Variants in TMEM87B observed in about 807,000 individuals in gnomAD.
TMEM87B encodes the protein transmembrane protein 87B.
TMEM87B carries 83 observed loss-of-function variants against 80.3 expected under a neutral mutation model. The observed-to-expected ratio is 1.03, with a 90% CI of 0.87 to 1.24. The LOEUF (loss-of-function observed/expected upper bound fraction) is 1.24, where lower values mean the gene tolerates loss of function less well. Among genes scored for constraint, TMEM87B ranks in the 50% most tolerant of loss-of-function variants. The pLI is 0.00. For missense variants in TMEM87B, 625 were observed against 674.4 expected, an observed-to-expected ratio of 0.93 and a Z score of 0.81; for synonymous variants, 219 against 230.5, an observed-to-expected ratio of 0.95 and a Z score of 0.45.
At chr2:112,095,202 TTTTTTTTTTTG>T (rs778579572) in intron 11 of TMEM87B, 1 of 733,754 alleles carries the variant, frequency 1.4e-6, no homozygotes, top group Non-Finnish European at 1.6e-6. Flanking sequence ...TTTTTTTTTT[TTTTTTTTTTTG>T]CTGTTTTGCT....
intron 11 of TMEM87B, chr2:112,095,508 AT>A (rs551556805): frequency 8.5e-4 from 783 of 918,590 alleles, no homozygotes; most frequent in Non-Finnish European, 9.5e-4. Flanking sequence ...ACCAGACCAG[AT>A]TTTTTTTTAA....
chr2:112,075,026 G>T, intron 5 of TMEM87B, 64 bp downstream of exon 5: 1 of 1,534,702 alleles, frequency 6.5e-7, no homozygotes. Flanking sequence ...GAAAAAAGTC[G>T]CTGATGGATA....
Position 112,055,519 on chromosome 2 carries a change from G to T in TMEM87B, c.-73G>T. The T allele has an allele frequency of 7.2e-7, 1 of 1,394,444 alleles. No individual in the cohort carries two copies. The highest frequency in any genetic ancestry group is 9.3e-7 in the Non-Finnish European group (1 of 1,075,800). 86.4% of individuals were successfully genotyped at this position (1,394,444 alleles called of 1,614,324 possible). A position where few individuals can be genotyped will look rare whatever the true frequency, so the allele number is the denominator to read the frequency against. On this transcript the variant is annotated 5_prime_UTR_variant, in exon 1 of 19. Coordinates refer to ENST00000283206, the MANE Select transcript of TMEM87B (RefSeq NM_032824.3). ...CCGCGTCCCGGATTCGGACCCGCCT[G>T]CCTGGGGCGGTGCTGCACCAGGTGC... is the stretch of plus-strand genomic sequence containing the variant.
intron 15 of TMEM87B, among the ~76,000 whole-genome samples, chr2:112,102,824 A>G (rs1679666452): frequency 6.6e-6 from 1 of 152,228 alleles, no homozygotes; most frequent in Non-Finnish European, 1.5e-5. Flanking sequence ...TGGTATGAAA[A>G]CACTCCACAG....
intron 4 of TMEM87B, among the ~76,000 whole-genome samples, chr2:112,070,831 C>CT (rs1384930559): frequency 4.5e-5 from 6 of 133,384 alleles, no homozygotes; most frequent in East Asian, 2.2e-4. Flanking sequence ...TTTTTTTTTT[C>CT]TTTTTTTTGA....
chr2:112,095,261 C>T (rs1679434000), intron 11 of TMEM87B: 3 of 963,776 alleles, frequency 3.1e-6, no homozygotes, highest in Non-Finnish European at 3.6e-6. Context: ...TCTGGCCAGC[C>T]TCCCCCTCTC....
intron 3 of TMEM87B, 113 bp downstream of exon 3, chr2:112,064,366 G>T (rs1457530025): frequency 2.3e-6 from 2 of 882,138 alleles, no homozygotes; most frequent in East Asian, 5.0e-5. Flanking sequence ...TTTTAGAAGT[G>T]CTACAGATTA....
chr2:112,098,751 T>C lies in TMEM87B; in HGVS notation c.1376+53T>C. On this transcript the variant is annotated intron_variant, in intron 14 of 18. Transcript: ENST00000283206. ...TCAAGGATTTGTTGATCACCTTCTA[T>C]AGTGTCAAGAACACGTTTATAGAAA... 5 of 1,532,552 alleles carry C rather than the reference T, an allele frequency of 3.3e-6. No homozygotes were observed. The South Asian group carries it at 5.6e-5, about 17-fold the overall frequency. 94.9% of individuals were successfully genotyped at this position (1,532,552 alleles called of 1,614,324 possible).
At chr2:112,093,062 C>T (rs1392080515) in intron 11 of TMEM87B, among the ~76,000 whole-genome samples, 1 of 151,798 alleles carries the variant, frequency 6.6e-6, no homozygotes, top group African/African-American at 2.4e-5. Flanking sequence ...GTATCTTTTT[C>T]CATTTTCTCA....
intron 11 of TMEM87B, among the ~76,000 whole-genome samples, chr2:112,096,457 G>A (rs1050050139): frequency 7.9e-5 from 12 of 152,098 alleles, no homozygotes; most frequent in South Asian, 2.1e-4. Flanking sequence ...TCTTATAGTC[G>A]TAGTATTCTT....
intron 4 of TMEM87B, 88 bp downstream of exon 4, chr2:112,067,155 T>A: frequency 6.6e-7 from 1 of 1,520,522 alleles, no homozygotes; most frequent in Non-Finnish European, 8.9e-7. Context: ...GGAATTTTGA[T>A]AAAGGTGGTA....
intron 8 of TMEM87B, among the ~76,000 whole-genome samples, chr2:112,083,863 G>A (rs1406775480): frequency 2.6e-5 from 4 of 152,130 alleles, no homozygotes; most frequent in African/African-American, 4.8e-5. Flanking sequence ...GGCCAGGGTC[G>A]TAAATACTTA....
At position 112,098,941 on chromosome 2, in the gene TMEM87B, G is replaced by A. The variant is rs763851524; in HGVS notation, c.1376+243G>A. Among the ~76,000 whole-genome samples, 49 of 152,192 alleles carry A rather than the reference G, an allele frequency of 3.2e-4. 1 individual carries two copies. The highest frequency in any genetic ancestry group is 1.9e-3 in the Admixed American group (29 of 15,274). On this transcript the variant is annotated intron_variant, in intron 14 of 18. Coordinates refer to ENST00000283206, the MANE Select transcript of TMEM87B (RefSeq NM_032824.3). ...GACAGCGCTTACATTACACCTTGAG[G>A]AAAGGAATAGGATAGCGAATGACTG...
At chr2:112,080,693 CTGT>C (rs1223656235) in intron 6 of TMEM87B, among the ~76,000 whole-genome samples, 1 of 152,146 alleles carries the variant, frequency 6.6e-6, no homozygotes, top group African/African-American at 2.4e-5. Context: ...TCTATGTCTA[CTGT>C]TAATTGTTTC....
intron 5 of TMEM87B, among the ~76,000 whole-genome samples, chr2:112,076,660 A>C (rs1037665086): frequency 6.6e-6 from 1 of 152,058 alleles, no homozygotes; most frequent in Non-Finnish European, 1.5e-5. Flanking sequence ...TTTTTTATTG[A>C]TAATATTAAA....
intron 2 of TMEM87B, among the ~76,000 whole-genome samples, chr2:112,062,821 C>G (rs2104455250): frequency 6.6e-6 from 1 of 152,220 alleles, no homozygotes; most frequent in Admixed American, 6.5e-5. Context: ...CTTCCAAATA[C>G]CTGGTATATT....
chr2:112,059,472 A>C (rs1052145075), intron 1 of TMEM87B, among the ~76,000 whole-genome samples: 3 of 152,040 alleles, frequency 2.0e-5, no homozygotes, highest in Non-Finnish European at 4.4e-5. Context: ...TCCTGAGGGC[A>C]GGAAAGAATA....
chr2:112,080,352 T>C (rs1050774755), intron 6 of TMEM87B, among the ~76,000 whole-genome samples: 16 of 152,088 alleles, frequency 1.1e-4, no homozygotes, highest in South Asian at 4.1e-4. Flanking sequence ...CTCCACCTCC[T>C]GGGTTCACGC....
Position 112,055,662 on chromosome 2 carries a change from C to T in TMEM87B, c.71C>T (p.Pro24Leu). 6.3e-7 allele frequency: 1 copy of T among 1,581,022 alleles called. No homozygotes were observed. The highest frequency in any genetic ancestry group is 1.1e-5 in the South Asian group (1 of 87,838). ...CGCCGCTGCTTTCCCGCCCGGGCCC[C>T]GCTGCTGCGCGTCGCCCTCTGCCTC... ...RRRRCFPARA[P>L]LLRVALCLLC... The change falls in exon 1 of 19, where the codon CCG (proline) becomes CTG (leucine). Residue 24 changes from proline (P) to leucine (L), a missense_variant. Transcript: ENST00000283206.
Sources: gnomAD v4.1 joint callset for allele counts (sites outside exome capture counted in the v4.1 genomes callset) on GRCh38, gnomAD v4.1.1 for gene constraint, MANE v1.5 for transcripts, NCBI Gene and HGNC (gene_info 2026-07-23, HGNC 2026-07-21) for gene names.